Variants in CCDC144A observed in about 807,000 individuals in gnomAD.
The protein encoded by CCDC144A is coiled-coil domain-containing protein 144A.
In CCDC144A, 41 loss-of-function variants were observed where a neutral mutation model predicts 143.8. The ratio of observed to expected loss-of-function variants is 0.29; its 90% CI spans 0.22 to 0.37. The LOEUF (loss-of-function observed/expected upper bound fraction) is 0.37. CCDC144A is among the 10% of genes least tolerant of loss of function. CCDC144A has a pLI of 1.00. For missense variants in CCDC144A, 637 were observed against 1,488.8 expected, an observed-to-expected ratio of 0.43 and a Z score of 9.41; for synonymous variants, 242 against 517.9, an observed-to-expected ratio of 0.47 and a Z score of 7.23.
intron 5 of CCDC144A, 27 bp downstream of exon 5, chr17:16,709,662 T>C (rs1912281999): frequency 3.1e-6 from 5 of 1,602,436 alleles, no homozygotes; most frequent in Non-Finnish European, 4.2e-6. Flanking sequence ...TGCCACTCTT[T>C]GTTTTTTCTC....
At chr17:16,724,638 C>G (rs1034572041) in intron 8 of CCDC144A, among the ~76,000 whole-genome samples, 4 of 151,806 alleles carry the variant, frequency 2.6e-5, no homozygotes, top group South Asian at 2.1e-4. Flanking sequence ...TTGCTGCTCC[C>G]TTGTTTTATC....
the CCDC144A span, among the ~76,000 whole-genome samples, chr17:16,681,612 C>G: frequency 6.6e-6 from 1 of 152,098 alleles, no homozygotes; most frequent in South Asian, 2.1e-4. Flanking sequence ...AATCCCAGCA[C>G]TTTTGGGAGG....
chr17:16,697,169 G>A lies in CCDC144A; in HGVS notation c.415+4120G>A, dbSNP rs1046426416. ...CGCTATTGGGTAGGGAGACAGCAAT[G>A]TTTACTGTAGGGACTCATTGGAGTG... On this transcript the variant is annotated intron_variant, in intron 2 of 16. Transcript: ENST00000399273. 5.9e-5 allele frequency among the ~76,000 whole-genome samples: 9 copies of A among 152,096 alleles called. No homozygotes were observed. In the South Asian group the frequency reaches 8.3e-4, roughly 14 times the overall value.
At chr17:16,684,194 C>T in the CCDC144A span, 4 of 985,570 alleles carry the variant, frequency 4.1e-6, no homozygotes, top group South Asian at 2.6e-5. Context: ...CTTCGTGGCA[C>T]TGGAGAGGCT....
intron 9 of CCDC144A, among the ~76,000 whole-genome samples, chr17:16,729,005 G>A (rs1003312799): frequency 6.6e-6 from 1 of 152,060 alleles, no homozygotes; most frequent in African/African-American, 2.4e-5. Context: ...GGACCCTTAG[G>A]TTGATTCCGT....
the CCDC144A span, among the ~76,000 whole-genome samples, chr17:16,679,095 G>C: frequency 8.6e-5 from 13 of 151,726 alleles, 1 homozygote; most frequent in Admixed American, 8.6e-4. Flanking sequence ...TGGCGGGGGG[G>C]GGTCTCACTT....
At chr17:16,729,991 T>TATATATATATATATATATACATAC (rs1491438660) in intron 9 of CCDC144A, among the ~76,000 whole-genome samples, 2 of 114,894 alleles carry the variant, frequency 1.7e-5, no homozygotes, top group African/African-American at 6.6e-5. Context: ...TATATATATA[T>TATATATATATATATATATACATAC]ACACACATAC....
Position 16,776,830 on chromosome 17 carries a change from G to C in CCDC144A, c.*3197G>C, listed in dbSNP as rs535459431. 6.6e-6 allele frequency: 1 copy of C among 152,320 alleles called. No individual in the cohort carries two copies. The highest frequency in any genetic ancestry group is 2.1e-4 in the South Asian group (1 of 4,832). The allele number at this position is 152,320 out of a possible 1,614,324, so 9.4% of individuals were successfully genotyped here. A position where few individuals can be genotyped will look rare whatever the true frequency, so the allele number is the denominator to read the frequency against. On this transcript the variant is annotated 3_prime_UTR_variant, in exon 17 of 17. Coordinates refer to ENST00000399273, the MANE Select transcript of CCDC144A (RefSeq NM_001382000.1). Reference sequence around the variant, plus strand: ...TTCAGGTACTCAGGCAACAAATAGCGTTACAATAGAATAGTACCTCACATC... The same window carrying C: ...TTCAGGTACTCAGGCAACAAATAGCCTTACAATAGAATAGTACCTCACATC...
At chr17:16,667,354 G>GC in the CCDC144A span, among the ~76,000 whole-genome samples, 4 of 96,568 alleles carry the variant, frequency 4.1e-5, no homozygotes, top group Non-Finnish European at 8.3e-5. Context: ...AGGAGCTGAG[G>GC]GGCTGAGGCG....
At chr17:16,754,452 T>C (rs76044379) in intron 12 of CCDC144A, among the ~76,000 whole-genome samples, 15,801 of 151,154 alleles carry the variant, frequency 0.1, 625 homozygotes, top group South Asian at 0.26. Flanking sequence ...TTGATTTTTT[T>C]CCCCATTTTC....
intron 12 of CCDC144A, among the ~76,000 whole-genome samples, chr17:16,743,741 A>G (rs1215638784): frequency 2.0e-5 from 3 of 152,136 alleles, no homozygotes; most frequent in Admixed American, 2.0e-4. Flanking sequence ...TTACACAGGT[A>G]TATTGCATAA....
At chr17:16,731,427 T>A (rs2143232974) in intron 9 of CCDC144A, 1 of 200,624 alleles carries the variant, frequency 5.0e-6, no homozygotes, top group Non-Finnish European at 1.0e-5. Context: ...AACAGTAACT[T>A]CTTTTAAATT....
chr17:16,703,781 T>C (rs550180468), intron 2 of CCDC144A, among the ~76,000 whole-genome samples: 133 of 152,156 alleles, frequency 8.7e-4, no homozygotes, highest in Non-Finnish European at 1.2e-3. Flanking sequence ...CCAGGCTGGG[T>C]GACAGAGTGA....
the CCDC144A span, chr17:16,683,724 C>A: frequency 1.3e-6 from 2 of 1,583,162 alleles, no homozygotes; most frequent in Admixed American, 1.7e-5. Flanking sequence ...AGCCAGCAAG[C>A]GACTCCGTGA....
rs544965668 is a variant in CCDC144A, at chr17:16,721,768, C to A, written c.1891+1110C>A. 4.0e-5 allele frequency among the ~76,000 whole-genome samples: 6 copies of A among 151,326 alleles called. No homozygotes were observed. The East Asian group carries it at 1.2e-3, about 29-fold the overall frequency. On this transcript the variant is annotated intron_variant, in intron 8 of 16. Transcript: ENST00000399273. The stretch of plus-strand genomic sequence containing the variant: ...TCAACTCTGCCATTGTAGTATGAGA[C>A]CAGCCATAGACAATACATATGTTAA...
At chr17:16,749,362 G>A (rs553942114) in intron 12 of CCDC144A, among the ~76,000 whole-genome samples, 12 of 152,234 alleles carry the variant, frequency 7.9e-5, no homozygotes, top group African/African-American at 2.4e-4. Flanking sequence ...TCATTTAGGA[G>A]CCAGTTGTTT....
chr17:16,668,371 C>T, the CCDC144A span, among the ~76,000 whole-genome samples: 568 of 152,216 alleles, frequency 3.7e-3, 6 homozygotes, highest in African/African-American at 0.013. Flanking sequence ...ATTCTAGGCC[C>T]TCTAATTATT....
intron 12 of CCDC144A, among the ~76,000 whole-genome samples, chr17:16,751,293 C>T (rs560709452): frequency 2.3e-4 from 35 of 151,820 alleles, no homozygotes; most frequent in African/African-American, 8.5e-4. Flanking sequence ...TTCAGATGGC[C>T]AGGACTCTAC....
intron 5 of CCDC144A, chr17:16,710,295 T>C (rs1912327710): frequency 6.6e-6 from 1 of 150,766 alleles, no homozygotes; most frequent in African/African-American, 2.5e-5. Flanking sequence ...TGCTGATCAG[T>C]AGTGGGGTCG....
Sources: gnomAD v4.1 joint callset for allele counts (sites outside exome capture counted in the v4.1 genomes callset) on GRCh38, gnomAD v4.1.1 for gene constraint, MANE v1.5 for transcripts, NCBI Gene and HGNC (gene_info 2026-07-23, HGNC 2026-07-21) for gene names.